Variants in PAPSS1 observed in about 807,000 individuals in gnomAD.
The protein encoded by PAPSS1 is bifunctional 3'-phosphoadenosine 5'-phosphosulfate synthase 1.
Under a neutral mutation model 72.0 loss-of-function variants are expected in PAPSS1, and 50 were observed. The ratio of observed to expected loss-of-function variants is 0.69; its 90% CI spans 0.55 to 0.88. The LOEUF (loss-of-function observed/expected upper bound fraction) is 0.88. Ranked by LOEUF, PAPSS1 falls within the 40% of genes least tolerant of loss-of-function variation. The pLI is 0.00. For synonymous variants in PAPSS1, 261 were observed against 263.6 expected (o/e 0.99, Z 0.09); for missense variants, 657 against 782.2 (o/e 0.84, Z 1.91).
At chr4:107,697,147 A>G (rs909331584) in intron 2 of PAPSS1, among the ~76,000 whole-genome samples, 4 of 152,226 alleles carry the variant, frequency 2.6e-5, no homozygotes, top group African/African-American at 9.6e-5. Flanking sequence ...CAGCCCGCTA[A>G]GCTCCCAGCT....
intron 11 of PAPSS1, among the ~76,000 whole-genome samples, chr4:107,617,876 G>C (rs1725862093): frequency 6.6e-6 from 1 of 152,156 alleles, no homozygotes; most frequent in Non-Finnish European, 1.5e-5. Flanking sequence ...CCATGCAGAT[G>C]AGCTGGTTAC....
intron 5 of PAPSS1, among the ~76,000 whole-genome samples, chr4:107,670,398 C>T (rs1269879078): frequency 6.6e-6 from 1 of 152,006 alleles, no homozygotes; most frequent in Non-Finnish European, 1.5e-5. Flanking sequence ...CAAGCAATAG[C>T]ACCAAAGAAA....
chr4:107,693,747 G>T, intron 3 of PAPSS1, 24 bp downstream of exon 3: 1 of 1,503,366 alleles, frequency 6.7e-7, no homozygotes, highest in Non-Finnish European at 9.3e-7. Flanking sequence ...TAAGCAGAAA[G>T]GCAATGGCAC....
chr4:107,717,186 T>C (rs1723660442), intron 1 of PAPSS1, among the ~76,000 whole-genome samples: 1 of 152,190 alleles, frequency 6.6e-6, no homozygotes, highest in Admixed American at 6.5e-5. Context: ...TGGGATATAG[T>C]AGGTTAAATA....
chr4:107,700,625 A>C (rs968050567), intron 2 of PAPSS1, among the ~76,000 whole-genome samples: 1 of 152,162 alleles, frequency 6.6e-6, no homozygotes, highest in African/African-American at 2.4e-5. Flanking sequence ...TGAGGGCTCC[A>C]CCCTCATTAA....
At chr4:107,631,610 T>C in intron 11 of PAPSS1, 21 bp downstream of exon 11, 1 of 1,546,424 alleles carries the variant, frequency 6.5e-7, no homozygotes, top group Non-Finnish European at 8.9e-7. Context: ...CAAAGATTTG[T>C]ACAGAGAATG....
At chr4:107,619,188 CT>C (rs1437291225) in intron 11 of PAPSS1, among the ~76,000 whole-genome samples, 1 of 152,140 alleles carries the variant, frequency 6.6e-6, no homozygotes, top group East Asian at 1.9e-4. Flanking sequence ...AATTAAAGTC[CT>C]TTCTTTCCCC....
At chr4:107,645,135 G>A (rs1039281904) in intron 9 of PAPSS1, 65 bp from the exon 10 acceptor site, 73 of 1,288,444 alleles carry the variant, frequency 5.7e-5, no homozygotes, top group African/African-American at 1.8e-4. Flanking sequence ...CAAAGGATAC[G>A]CAATTTTTCT....
intron 10 of PAPSS1, among the ~76,000 whole-genome samples, chr4:107,638,470 C>A (rs1044208003): frequency 1.3e-5 from 2 of 152,060 alleles, no homozygotes; most frequent in African/African-American, 2.4e-5. Context: ...AACCAGCAAC[C>A]AAACTAATTT....
chr4:107,631,950 T>C lies in PAPSS1; in HGVS notation c.1507-90A>G, dbSNP rs192526124. 59 of 762,854 alleles carry C rather than the reference T, an allele frequency of 7.7e-5. No homozygotes were observed. The African/African-American group carries it at 8.8e-4, about 11-fold the overall frequency. 47.3% of individuals were successfully genotyped at this position (762,854 alleles called of 1,614,324 possible). The stretch of plus-strand genomic sequence containing the variant: ...GGATAATAAATGCATATGCTTTTTA[T>C]AAAATCATTATCGGTAGGAAATCTC... On this transcript the variant is annotated intron_variant, in intron 10 of 11. Transcript: ENST00000265174.
At chr4:107,686,415 T>C (rs1722788920) in intron 4 of PAPSS1, among the ~76,000 whole-genome samples, 1 of 152,252 alleles carries the variant, frequency 6.6e-6, no homozygotes, top group Admixed American at 6.5e-5. Flanking sequence ...ACTATATTTG[T>C]TATTTATACT....
At chr4:107,617,564 A>T (rs1016897392) in intron 11 of PAPSS1, among the ~76,000 whole-genome samples, 2 of 152,128 alleles carry the variant, frequency 1.3e-5, no homozygotes, top group African/African-American at 4.8e-5. Flanking sequence ...AGGTACTACT[A>T]CTTTAATTCA....
At chr4:107,696,127 A>G (rs1723056634) in intron 2 of PAPSS1, among the ~76,000 whole-genome samples, 1 of 152,156 alleles carries the variant, frequency 6.6e-6, no homozygotes, top group Admixed American at 6.5e-5. Context: ...TTGGTAGGAA[A>G]TGTAAATTAG....
At chr4:107,633,586 G>C (rs897556720) in intron 10 of PAPSS1, among the ~76,000 whole-genome samples, 1 of 152,060 alleles carries the variant, frequency 6.6e-6, no homozygotes, top group Non-Finnish European at 1.5e-5. Flanking sequence ...GATTATCTGG[G>C]GTGGGGGGTG....
chr4:107,710,991 T>C (rs542622795), intron 1 of PAPSS1, among the ~76,000 whole-genome samples: 43 of 152,364 alleles, frequency 2.8e-4, no homozygotes, highest in African/African-American at 9.4e-4. Context: ...TTCTGGACGT[T>C]TGCCTCGACC....
intron 5 of PAPSS1, among the ~76,000 whole-genome samples, chr4:107,673,057 C>T (rs1020336089): frequency 6.6e-6 from 1 of 152,160 alleles, no homozygotes; most frequent in Non-Finnish European, 1.5e-5. Flanking sequence ...AAAACCCCAT[C>T]TGTACGTCAC....
chr4:107,714,966 G>A (rs2125943741), intron 1 of PAPSS1, among the ~76,000 whole-genome samples: 1 of 152,130 alleles, frequency 6.6e-6, no homozygotes, highest in African/African-American at 2.4e-5. Context: ...ACTCACTCTG[G>A]AAATTTCCTG....
At position 107,712,645 on chromosome 4, in the gene PAPSS1, C is replaced by T. The variant is rs139943243; in HGVS notation, c.60+7475G>A. Among the ~76,000 whole-genome samples, 909 of 152,098 alleles carry T rather than the reference C, an allele frequency of 6.0e-3. 10 individuals are homozygous for T. The highest frequency in any genetic ancestry group is 0.02 in the African/African-American group (818 of 41,518). On this transcript the variant is annotated intron_variant, in intron 1 of 11. Coordinates refer to ENST00000265174, the MANE Select transcript of PAPSS1 (RefSeq NM_005443.5). Reference sequence around the variant, plus strand: ...ATCCCAGCACTTTGGGAGGCGCAGGCGGGTGGATCATGAGGTCAAGAGATC... The same window carrying T: ...ATCCCAGCACTTTGGGAGGCGCAGGTGGGTGGATCATGAGGTCAAGAGATC...
intron 11 of PAPSS1, among the ~76,000 whole-genome samples, chr4:107,625,712 C>T (rs1399727477): frequency 1.3e-5 from 2 of 152,182 alleles, no homozygotes; most frequent in African/African-American, 2.4e-5. Flanking sequence ...TGCTTTGTTA[C>T]GCAACAACGA....
Sources: gnomAD v4.1 joint callset for allele counts (sites outside exome capture counted in the v4.1 genomes callset) on GRCh38, gnomAD v4.1.1 for gene constraint, MANE v1.5 for transcripts, NCBI Gene and HGNC (gene_info 2026-07-23, HGNC 2026-07-21) for gene names.